The following SLC8B1 variants were observed in gnomAD, a reference collection of about 807,000 sequenced individuals.
SLC8B1 encodes mitochondrial sodium/calcium exchanger protein.
A neutral mutation model predicts 63.4 loss-of-function variants in SLC8B1; 52 were observed. The ratio of observed to expected loss-of-function variants is 0.82; its 90% CI spans 0.66 to 1.03. SLC8B1 has a LOEUF of 1.03. SLC8B1 is among the 50% of genes least tolerant of loss of function. The probability of loss-of-function intolerance (pLI) is 0.00; values close to 1 mark genes in which losing one functional copy is unlikely to be tolerated. For synonymous variants in SLC8B1, 336 were observed against 323.9 expected (o/e 1.04, Z -0.40); for missense variants, 657 against 741.7 (o/e 0.89, Z 1.33).
intron 13 of SLC8B1, 126 bp from the exon 14 acceptor site, chr12:113,306,701 G>A: frequency 1.3e-6 from 1 of 750,588 alleles, no homozygotes; most frequent in Non-Finnish European, 2.3e-6. Flanking sequence ...AAGTGTGCCT[G>A]GGCACTAGCT....
In SLC8B1 at chr12:113,334,766, C is replaced by T. The variant is rs984193017; in HGVS notation, c.-406G>A. On this transcript the variant is annotated 5_prime_UTR_variant, in exon 1 of 16. Coordinates refer to ENST00000680972, the MANE Select transcript of SLC8B1 (RefSeq NM_001358345.2). ...TTGCTGCCGATTTATTTTACTGATTCACTAGTGAGCATTTATTGAGCGCCT... is the reference window on the plus strand; with the variant it reads ...TTGCTGCCGATTTATTTTACTGATTTACTAGTGAGCATTTATTGAGCGCCT... The T allele has an allele frequency of 6.6e-6, 1 of 152,254 alleles. No homozygotes were observed. The highest frequency in any genetic ancestry group is 6.5e-5 in the Admixed American group (1 of 15,288). 9.4% of individuals were successfully genotyped at this position (152,254 alleles called of 1,614,324 possible).
chr12:113,316,691 C>T (rs756184409), intron 9 of SLC8B1, 35 bp from the exon 10 acceptor site: 46 of 1,606,170 alleles, frequency 2.9e-5, no homozygotes, highest in Admixed American at 1.9e-4. Flanking sequence ...GGTGTGCCTG[C>T]GGCTGACTTG....
At position 113,320,292 on chromosome 12, in the gene SLC8B1, A is replaced by C; in HGVS notation, c.694+39T>G. 1 of 1,604,156 alleles carries C rather than the reference A, an allele frequency of 6.2e-7. No individual in the cohort carries two copies. Among genetic ancestry groups the C allele is most frequent in the Non-Finnish European group, 8.5e-7 (1 of 1,174,798 alleles). ...GCACCTCCTAAACCTCCTGCCCATC[A>C]GCCCTGGGATCTCACGCCTGAGCCC... On this transcript the variant is annotated intron_variant, in intron 7 of 15. Coordinates refer to ENST00000680972, the MANE Select transcript of SLC8B1 (RefSeq NM_001358345.2). The surrounding 1 kb of genome is among the most constrained non-coding windows in gnomAD (Gnocchi z 5.3).
chr12:113,331,123 G>A (rs2136870088), intron 2 of SLC8B1, among the ~76,000 whole-genome samples: 1 of 152,108 alleles, frequency 6.6e-6, no homozygotes, highest in East Asian at 1.9e-4. Context: ...CCAGGAACCT[G>A]GAGCCATCCA....
intron 10 of SLC8B1, among the ~76,000 whole-genome samples, chr12:113,316,179 G>A (rs1010047030): frequency 1.3e-5 from 2 of 151,314 alleles, no homozygotes; most frequent in African/African-American, 4.9e-5. Context: ...AGCCGAGACC[G>A]CGCCACTGCA....
In SLC8B1 at chr12:113,299,735, G is replaced by A; in HGVS notation, c.*42C>T. The A allele has an allele frequency of 6.3e-7, 1 of 1,588,310 alleles. No homozygotes were observed. Among genetic ancestry groups the A allele is most frequent in the Non-Finnish European group, 8.6e-7 (1 of 1,158,258 alleles). On this transcript the variant is annotated 3_prime_UTR_variant, in exon 16 of 16. Transcript: ENST00000680972. ...GGGCCTCCCCCGGCAGGAGGGGCGG[G>A]GCTCCTGCCTGCAGTGAGGCCACAG...
At chr12:113,316,710 G>A in intron 9 of SLC8B1, 54 bp from the exon 10 acceptor site, 1 of 1,600,730 alleles carries the variant, frequency 6.2e-7, no homozygotes, top group Non-Finnish European at 8.5e-7. Context: ...TGCTCTCCAG[G>A]AAACCTTCCC....
rs1956900224 is a variant in SLC8B1, at chr12:113,320,099, T to C, written c.694+232A>G. 1.9e-6 allele frequency: 1 copy of C among 531,982 alleles called. No homozygotes were observed. Among genetic ancestry groups the C allele is most frequent in the South Asian group, 2.5e-5 (1 of 40,434 alleles). The allele number at this position is 531,982 out of a possible 1,614,324, so 33.0% of individuals were successfully genotyped here. A position where few individuals can be genotyped will look rare whatever the true frequency, so the allele number is the denominator to read the frequency against. On this transcript the variant is annotated intron_variant, in intron 7 of 15. Transcript: ENST00000680972. This position sits in a 1 kb window ranked among gnomAD's most constrained non-coding sequence, Gnocchi z 5.3. The stretch of plus-strand genomic sequence containing the variant: ...TGAGCCATCACGCTTGGCCAAAAAA[T>C]TGTGACACTTTTGAATACTCCCTCC...
At chr12:113,332,670 C>T (rs201625097) in intron 2 of SLC8B1, 53 bp downstream of exon 2, 87 of 1,561,932 alleles carry the variant, frequency 5.6e-5, no homozygotes, top group East Asian at 1.4e-4. Flanking sequence ...AGATATTTAT[C>T]GATTGGAGGA....
intron 11 of SLC8B1, among the ~76,000 whole-genome samples, chr12:113,314,508 T>C (rs1246170097): frequency 1.3e-5 from 2 of 152,210 alleles, no homozygotes; most frequent in Admixed American, 6.5e-5. Flanking sequence ...TGGACAAGCC[T>C]GGGCGTTTCC....
At position 113,322,942 on chromosome 12, in the gene SLC8B1, C is replaced by T. The variant is rs141154818; in HGVS notation, c.157-1594G>A. On this transcript the variant is annotated intron_variant, in intron 2 of 15. Coordinates refer to ENST00000680972, the MANE Select transcript of SLC8B1 (RefSeq NM_001358345.2). ...TCCAGCCTGGGTGACAGAGTGAGACCCTGTCTCAAAAGAAAAAAATAAAAG... is the reference window on the plus strand; with the variant it reads ...TCCAGCCTGGGTGACAGAGTGAGACTCTGTCTCAAAAGAAAAAAATAAAAG... Among the ~76,000 whole-genome samples, 1,218 of 151,440 alleles carry T rather than the reference C, an allele frequency of 8.0e-3. 7 individuals carry two copies. The highest frequency in any genetic ancestry group is 0.013 in the Non-Finnish European group (871 of 67,808).
At chr12:113,314,065 G>A (rs934158876) in intron 11 of SLC8B1, among the ~76,000 whole-genome samples, 7 of 152,204 alleles carry the variant, frequency 4.6e-5, no homozygotes, top group Non-Finnish European at 8.8e-5. Flanking sequence ...CAACGCTTGT[G>A]AAAGCAAGTC....
At position 113,320,332 on chromosome 12, in the gene SLC8B1, C is replaced by G. The variant is rs753765883; in HGVS notation, c.693G>C (p.Leu231=). The G allele has an allele frequency of 2.4e-5, 38 of 1,613,838 alleles. No homozygotes were observed. In the Middle Eastern group the frequency reaches 4.9e-4, roughly 21 times the overall value. ...CGCCTGAGCCCCAGAGCTGCTCACCCAGAGCCCATGCCAGGGTGACCCTGC... is the reference window on the plus strand; with the variant it reads ...CGCCTGAGCCCCAGAGCTGCTCACCGAGAGCCCATGCCAGGGTGACCCTGC... ...FRGRVTLAWA[L]GYLGLYVFYV... The change falls in exon 7 of 16, where the codon CTG becomes CTC. Residue 231 remains leucine, a splice_region_variant and synonymous_variant. Coordinates refer to ENST00000680972, the MANE Select transcript of SLC8B1 (RefSeq NM_001358345.2). The surrounding 1 kb of genome is among the most constrained non-coding windows in gnomAD (Gnocchi z 5.3).
chr12:113,331,721 G>A (rs181868181), intron 2 of SLC8B1, among the ~76,000 whole-genome samples: 4 of 152,118 alleles, frequency 2.6e-5, no homozygotes, highest in African/African-American at 2.4e-5. Flanking sequence ...GACCTATTGC[G>A]GGACCTCACC....
Position 113,320,286 on chromosome 12 carries a change from C to T in SLC8B1, c.694+45G>A, listed in dbSNP as rs773586399. 6.3e-6 allele frequency: 10 copies of T among 1,598,914 alleles called. No individual in the cohort carries two copies. On this transcript the variant is annotated intron_variant, in intron 7 of 15. Coordinates refer to ENST00000680972, the MANE Select transcript of SLC8B1 (RefSeq NM_001358345.2). The surrounding 1 kb of genome is among the most constrained non-coding windows in gnomAD (Gnocchi z 5.3). ...TCCCAGGCACCTCCTAAACCTCCTG[C>T]CCATCAGCCCTGGGATCTCACGCCT...
At chr12:113,303,139 A>ACG (rs1430524965) in intron 15 of SLC8B1, among the ~76,000 whole-genome samples, 7 of 147,270 alleles carry the variant, frequency 4.8e-5, no homozygotes, top group East Asian at 2.0e-4. Context: ...ACACACACAC[A>ACG]CACGCGCGCG....
In SLC8B1 at chr12:113,316,628, G is replaced by GT. The variant is rs746770728; in HGVS notation, c.890dup (p.Tyr297Ter). Residue 297 changes from tyrosine to a stop codon, truncating the protein, a stop_gained and frameshift_variant, in exon 10 of 16, where the codon TAC (tyrosine) becomes TAAC (stop). Transcript: ENST00000680972. LOFTEE classifies it high-confidence loss of function. ...YGDEYRPLFF[Y>*]QETTAQILVR... ...CCAGGATCTGAGCCGTGGTCTCCTG[G>GT]TAGAAGAACAGCGGCCGGTACTCAT... The GT allele has an allele frequency of 3.1e-6, 5 of 1,613,922 alleles. No homozygotes were observed.
At chr12:113,306,125 C>CTTTTT (rs1484388153) in intron 14 of SLC8B1, among the ~76,000 whole-genome samples, 1 of 146,876 alleles carries the variant, frequency 6.8e-6, no homozygotes, top group African/African-American at 2.5e-5. Context: ...AAAAAGTCTG[C>CTTTTT]CAACCCTAAC....
At chr12:113,308,112 C>A (rs532689759) in intron 12 of SLC8B1, 7 of 309,468 alleles carry the variant, frequency 2.3e-5, no homozygotes, top group African/African-American at 8.8e-5. Context: ...TTTGGGAGGC[C>A]GAGGCGGGCA....
Sources: allele counts gnomAD v4.1 joint callset (sites outside exome capture counted in the v4.1 genomes callset), GRCh38; gene constraint gnomAD v4.1.1; non-coding constraint Gnocchi (gnomAD v3.1); transcripts MANE v1.5; gene names NCBI Gene and HGNC (gene_info 2026-07-23, HGNC 2026-07-21).